Variants in DMD observed in about 807,000 individuals in gnomAD.
The protein encoded by DMD is dystrophin.
DMD carries 63 observed loss-of-function variants against 330.1 expected under a neutral mutation model. The ratio of observed to expected loss-of-function variants is 0.19; its 90% CI spans 0.16 to 0.24. The LOEUF is 0.24. Ranked by LOEUF, DMD falls within the 10% of genes least tolerant of loss-of-function variation. The probability of loss-of-function intolerance (pLI) is 1.00; values close to 1 mark genes in which losing one functional copy is unlikely to be tolerated. For synonymous variants in DMD, 1,223 were observed against 959.8 expected, an observed-to-expected ratio of 1.27 and a Z score of -5.07; for missense variants, 3,344 against 2,684.1, an observed-to-expected ratio of 1.25 and a Z score of -5.43.
intron 4 of DMD, among the ~76,000 whole-genome samples, chrX:32,836,193 G>A (rs771812542): frequency 2.5e-3 from 222 of 89,036 alleles, no homozygotes; most frequent in African/African-American, 7.4e-3. Flanking sequence ...CACCACACCC[G>A]TCTAATTTTT....
chrX:31,938,800 T>G (rs1603616774), intron 45 of DMD, among the ~76,000 whole-genome samples: 1 of 112,228 alleles, frequency 8.9e-6, no homozygotes, highest in South Asian at 3.7e-4. Context: ...ATGTAACCAC[T>G]TAATGAGTTA....
chrX:31,240,104 C>T (rs1458793139), intron 63 of DMD, among the ~76,000 whole-genome samples: 3 of 111,337 alleles, frequency 2.7e-5, no homozygotes, highest in Non-Finnish European at 3.8e-5. Context: ...TGTTAAACTT[C>T]GTACATTTAT....
At chrX:32,245,896 T>C (rs1411466779) in intron 43 of DMD, among the ~76,000 whole-genome samples, 1 of 101,889 alleles carries the variant, frequency 9.8e-6, no homozygotes, top group Non-Finnish European at 2.0e-5. Context: ...TAAACAATCA[T>C]GTCGTCTGCA....
Position 31,369,676 on chromosome X carries a change from G to A in DMD, c.9085-21042C>T, listed in dbSNP as rs768536780. On this transcript the variant is annotated intron_variant, in intron 60 of 78. Coordinates refer to ENST00000357033, the MANE Select transcript of DMD (RefSeq NM_004006.3). ...TCTGAGGTGTCTGTGGGACATTCAG[G>A]TTGTGGTGGACAAGAAACATAGAAG... Among the ~76,000 whole-genome samples, 10 of 110,978 alleles carry A rather than the reference G, an allele frequency of 9.0e-5. 1 individual carries two copies. The highest frequency in any genetic ancestry group is 3.3e-4 in the African/African-American group (10 of 30,505).
chrX:31,652,883 A>T (rs2080539232), intron 54 of DMD, among the ~76,000 whole-genome samples: 1 of 111,076 alleles, frequency 9.0e-6, no homozygotes, highest in Non-Finnish European at 1.9e-5. Flanking sequence ...TAGTAAGCAG[A>T]AGCAAGTACA....
intron 7 of DMD, among the ~76,000 whole-genome samples, chrX:32,707,581 T>A (rs952061025): frequency 1.8e-5 from 2 of 112,153 alleles, no homozygotes; most frequent in Non-Finnish European, 3.8e-5. Flanking sequence ...ACAGGAAAAG[T>A]TCTATCTTTA....
chrX:31,647,787 G>C (rs1209435367), intron 54 of DMD, among the ~76,000 whole-genome samples: 1 of 112,509 alleles, frequency 8.9e-6, no homozygotes, highest in Non-Finnish European at 1.9e-5. Context: ...ACACTGACTG[G>C]ACACAGAGTG....
intron 9 of DMD, among the ~76,000 whole-genome samples, chrX:32,657,710 A>C (rs1239227934): frequency 8.9e-6 from 1 of 112,352 alleles, no homozygotes; most frequent in Non-Finnish European, 1.9e-5. Context: ...AATTGAAACG[A>C]GATTTTGTAA....
intron 43 of DMD, among the ~76,000 whole-genome samples, chrX:32,239,232 ATCT>A (rs999754741): frequency 1.3e-4 from 15 of 111,796 alleles, no homozygotes; most frequent in Non-Finnish European, 2.4e-4. Context: ...ACCTAGAATG[ATCT>A]TCTAAGATTC....
At chrX:31,951,143 G>GTATGTATATATATA (rs1569521262) in intron 45 of DMD, among the ~76,000 whole-genome samples, 8 of 74,323 alleles carry the variant, frequency 1.1e-4, no homozygotes, top group African/African-American at 4.9e-4. Flanking sequence ...ATATATATGT[G>GTATGTATATATATA]TATATATATA....
chrX:31,526,057 CCCACTGCTTCCAGTTGCTA>C (rs2073218080), intron 55 of DMD, among the ~76,000 whole-genome samples: 1 of 112,398 alleles, frequency 8.9e-6, no homozygotes, highest in South Asian at 3.6e-4. Flanking sequence ...CTCCCAACAT[CCCACTGCTTCCAGTTGCTA>C]CTGTTTGCTG....
chrX:31,682,326 A>G (rs1274321309), intron 52 of DMD, among the ~76,000 whole-genome samples: 1 of 111,254 alleles, frequency 9.0e-6, no homozygotes, highest in Non-Finnish European at 1.9e-5. Flanking sequence ...TAACATGTCA[A>G]CCTCTGTTTA....
intron 7 of DMD, among the ~76,000 whole-genome samples, chrX:32,730,837 G>A (rs986730856): frequency 1.8e-5 from 2 of 111,954 alleles, no homozygotes; most frequent in Non-Finnish European, 3.8e-5. Flanking sequence ...AAAAAGAGTA[G>A]GAATAGAGCC....
At chrX:31,386,424 T>C (rs889055643) in intron 60 of DMD, among the ~76,000 whole-genome samples, 29 of 112,145 alleles carry the variant, frequency 2.6e-4, no homozygotes, top group African/African-American at 9.4e-4. Context: ...TTGGTTTTCC[T>C]ATGTCTGTGT....
At chrX:31,586,607 A>G (rs2076622042) in intron 55 of DMD, among the ~76,000 whole-genome samples, 1 of 112,701 alleles carries the variant, frequency 8.9e-6, no homozygotes, top group Non-Finnish European at 1.9e-5. Context: ...TTGATAGCAG[A>G]ATAGCTTTGG....
intron 77 of DMD, among the ~76,000 whole-genome samples, chrX:31,128,168 T>A (rs1185269946): frequency 9.0e-6 from 1 of 111,553 alleles, no homozygotes; most frequent in Non-Finnish European, 1.9e-5. Context: ...AAGGTTTTTT[T>A]AAAAAAGTAT....
At chrX:32,773,596 C>A (rs7056519) in intron 7 of DMD, among the ~76,000 whole-genome samples, 5,229 of 107,582 alleles carry the variant, frequency 0.049, 324 homozygotes, top group African/African-American at 0.17. Context: ...ATCTGGTAAC[C>A]ATCATCCCAC....
intron 48 of DMD, 48 bp from the exon 49 acceptor site, chrX:31,836,867 T>C: frequency 9.5e-7 from 1 of 1,048,057 alleles, no homozygotes; most frequent in Non-Finnish European, 1.3e-6. Context: ...CAGTTAGCAA[T>C]AAAATTACTA....
chrX:32,110,320 G>C, intron 44 of DMD, among the ~76,000 whole-genome samples: 1 of 111,513 alleles, frequency 9.0e-6, no homozygotes, highest in East Asian at 2.8e-4. Context: ...AAAACTCAAA[G>C]TGTGGCAAGT....
Sources: allele counts gnomAD v4.1 joint callset (sites outside exome capture counted in the v4.1 genomes callset), GRCh38; gene constraint gnomAD v4.1.1; transcripts MANE v1.5; gene names NCBI Gene and HGNC (gene_info 2026-07-23, HGNC 2026-07-21).